The following MRAP2 variants were observed in gnomAD, a reference collection of about 807,000 sequenced individuals.
The protein encoded by MRAP2 is melanocortin 2 receptor accessory protein 2.
Under a neutral mutation model 17.4 loss-of-function variants are expected in MRAP2, and 20 were observed. That is an observed-to-expected ratio of 1.15 (90% CI 0.81 to 1.67). MRAP2 has a LOEUF of 1.67. MRAP2 is among the 40% of genes most tolerant of loss of function. The probability of loss-of-function intolerance (pLI) is 0.00; values close to 1 mark genes in which losing one functional copy is unlikely to be tolerated. For synonymous variants in MRAP2, 96 were observed against 88.4 expected (o/e 1.09, Z -0.48); for missense variants, 238 against 240.0 (o/e 0.99, Z 0.05).
At chr6:84,128,599 T>C in the MRAP2 span, among the ~76,000 whole-genome samples, 1 of 152,060 alleles carries the variant, frequency 6.6e-6, no homozygotes, top group Non-Finnish European at 1.5e-5. Flanking sequence ...TCATCTAAAA[T>C]GGGAATAATA....
At chr6:84,037,570 C>T (rs1020173687) in intron 1 of MRAP2, among the ~76,000 whole-genome samples, 2 of 148,884 alleles carry the variant, frequency 1.3e-5, no homozygotes, top group South Asian at 2.1e-4. Flanking sequence ...GGGAGCCCAC[C>T]ACGGGGTGGG....
At chr6:84,102,550 C>T in the MRAP2 span, among the ~76,000 whole-genome samples, 2 of 152,308 alleles carry the variant, frequency 1.3e-5, no homozygotes, top group Admixed American at 1.3e-4. Context: ...GAAAAGAGCA[C>T]AGTCTTGCCG....
At chr6:84,040,861 T>A (rs1469700998) in intron 1 of MRAP2, among the ~76,000 whole-genome samples, 2 of 152,078 alleles carry the variant, frequency 1.3e-5, no homozygotes, top group African/African-American at 4.8e-5. Flanking sequence ...AACCTGACAA[T>A]GTGGTAGAAA....
chr6:84,102,155 G>A, the MRAP2 span, among the ~76,000 whole-genome samples: 1 of 152,140 alleles, frequency 6.6e-6, no homozygotes, highest in Non-Finnish European at 1.5e-5. Context: ...TAGCAGAGTG[G>A]CATGGTTAAA....
At chr6:84,074,281 G>C (rs934246893) in intron 3 of MRAP2, among the ~76,000 whole-genome samples, 2 of 152,196 alleles carry the variant, frequency 1.3e-5, no homozygotes, top group Admixed American at 1.3e-4. Flanking sequence ...GAGAATCCTG[G>C]TGATGGGTCA....
downstream of MRAP2, among the ~76,000 whole-genome samples, chr6:84,094,753 G>A (rs1466156088): frequency 2.6e-5 from 4 of 151,794 alleles, no homozygotes; most frequent in African/African-American, 4.8e-5. Flanking sequence ...GTGCAGTGGC[G>A]TGATCTCGGC....
At chr6:84,056,397 G>A (rs1182346904) in intron 2 of MRAP2, among the ~76,000 whole-genome samples, 1 of 152,110 alleles carries the variant, frequency 6.6e-6, no homozygotes, top group Non-Finnish European at 1.5e-5. Flanking sequence ...TTGCAAGAAG[G>A]GCTTTCTATT....
At chr6:84,101,370 T>C in the MRAP2 span, among the ~76,000 whole-genome samples, 1 of 152,304 alleles carries the variant, frequency 6.6e-6, no homozygotes, top group East Asian at 1.9e-4. Flanking sequence ...TTCATACTTA[T>C]TAGGGACAAA....
chr6:84,055,498 G>A lies in MRAP2; in HGVS notation c.127+53G>A, dbSNP rs73752618. ...AGCATAATTGTATTTCTCTTAACCT[G>A]TGAAATCCCCAAGGATTACTTCTCC... On this transcript the variant is annotated intron_variant, in intron 2 of 3. Coordinates refer to ENST00000257776, the MANE Select transcript of MRAP2 (RefSeq NM_138409.4). The A allele has an allele frequency of 5.7e-4, 887 of 1,549,554 alleles. 5 individuals carry two copies. The African/African-American group carries it at 8.6e-3, about 15-fold the overall frequency.
At chr6:84,036,363 T>C (rs2099485969) in intron 1 of MRAP2, among the ~76,000 whole-genome samples, 1 of 152,154 alleles carries the variant, frequency 6.6e-6, no homozygotes, top group African/African-American at 2.4e-5. Flanking sequence ...AAGCTAGTGA[T>C]GGTGTATCTG....
At chr6:84,084,685 T>C (rs1588660759) in intron 3 of MRAP2, among the ~76,000 whole-genome samples, 1 of 152,122 alleles carries the variant, frequency 6.6e-6, no homozygotes, top group South Asian at 2.1e-4. Flanking sequence ...GAAGGCTCTA[T>C]GTATTAACTC....
chr6:84,062,488 A>C (rs1485946995), intron 2 of MRAP2: 1 of 953,932 alleles, frequency 1.0e-6, no homozygotes, highest in Non-Finnish European at 1.2e-6. Context: ...TGTTAAATTT[A>C]ATTTGTCTAA....
At chr6:84,132,463 G>A in the MRAP2 span, among the ~76,000 whole-genome samples, 3,745 of 152,148 alleles carry the variant, frequency 0.025, 139 homozygotes, top group African/African-American at 0.085. Flanking sequence ...CATTCTCCCC[G>A]TCACTTTCAG....
Position 84,038,338 on chromosome 6 carries a change from A to T in MRAP2, c.-8+4455A>T, listed in dbSNP as rs532924207. Reference sequence around the variant, plus strand: ...TTGAGTGGATGGTGGAGAAATAGAAAAGAAGTTTACCTTCCCCCAACCCCA... The same window carrying T: ...TTGAGTGGATGGTGGAGAAATAGAATAGAAGTTTACCTTCCCCCAACCCCA... On this transcript the variant is annotated intron_variant, in intron 1 of 3. Coordinates refer to ENST00000257776, the MANE Select transcript of MRAP2 (RefSeq NM_138409.4). Among the ~76,000 whole-genome samples the T allele has an allele frequency of 9.1e-4, 138 of 152,314 alleles. 7 individuals are homozygous for T. In the South Asian group the frequency reaches 0.028, roughly 31 times the overall value.
chr6:84,059,118 A>T (rs926204665), intron 2 of MRAP2, among the ~76,000 whole-genome samples: 1 of 152,166 alleles, frequency 6.6e-6, no homozygotes, highest in South Asian at 2.1e-4. Context: ...CAATGAGTGG[A>T]CAATCACATT....
intron 3 of MRAP2, among the ~76,000 whole-genome samples, chr6:84,088,160 G>A (rs1028369145): frequency 3.3e-5 from 5 of 152,176 alleles, no homozygotes; most frequent in African/African-American, 1.2e-4. Context: ...ATTTTTGTCA[G>A]GTTCTGTTCT....
chr6:84,089,362 C>G lies in MRAP2; in HGVS notation c.499C>G (p.Pro167Ala), dbSNP rs749283207. Residue 167 changes from proline to alanine, a missense_variant, in exon 4 of 4, where the codon CCC becomes GCC. Physicochemically the swap from Pro to Ala is conservative, Grantham distance 27 (BLOSUM62 -1). Transcript: ENST00000257776. ...GAACAGGCTCATGAAGTTTGACATC[C>G]CCAACTTTGTGAACACAGACCAGAA... ...ELNRLMKFDI[P>A]NFVNTDQNYF... 60 of 1,614,020 alleles carry G rather than the reference C, an allele frequency of 3.7e-5. No individual in the cohort carries two copies. The highest frequency in any genetic ancestry group is 4.4e-5 in the Non-Finnish European group (52 of 1,180,024).
chr6:84,124,994 A>G, the MRAP2 span: 1 of 1,069,382 alleles, frequency 9.4e-7, no homozygotes, highest in Admixed American at 2.5e-5. Flanking sequence ...TGTTTTTCAT[A>G]AGCTGTCCTG....
chr6:84,123,577 C>A, the MRAP2 span, among the ~76,000 whole-genome samples: 1 of 151,934 alleles, frequency 6.6e-6, no homozygotes, highest in Non-Finnish European at 1.5e-5. Flanking sequence ...AAAATTAATG[C>A]AAGATGGATT....
Sources: allele counts gnomAD v4.1 joint callset (sites outside exome capture counted in the v4.1 genomes callset), GRCh38; gene constraint gnomAD v4.1.1; transcripts MANE v1.5; gene names NCBI Gene and HGNC (gene_info 2026-07-23, HGNC 2026-07-21).